Variants in DIP2C observed in about 807,000 individuals in gnomAD.
The protein encoded by DIP2C is DIP2 acetate--CoA ligase C (putative), also known as disco-interacting protein 2 homolog C.
Under a neutral mutation model 192.4 loss-of-function variants are expected in DIP2C, and 33 were observed. That is an observed-to-expected ratio of 0.17 (90% CI 0.13 to 0.23). DIP2C has a LOEUF of 0.23. Among genes scored for constraint, DIP2C ranks in the 10% least tolerant of loss-of-function variants. The probability of loss-of-function intolerance (pLI) is 1.00; values close to 1 mark genes in which losing one functional copy is unlikely to be tolerated. For synonymous variants in DIP2C, 979 were observed against 864.1 expected, an observed-to-expected ratio of 1.13 and a Z score of -2.33; for missense variants, 1,537 against 2,110.1, an observed-to-expected ratio of 0.73 and a Z score of 5.32.
intron 3 of DIP2C, among the ~76,000 whole-genome samples, chr10:465,255 T>C (rs960894951): frequency 6.5e-4 from 95 of 146,052 alleles, no homozygotes; most frequent in African/African-American, 2.4e-3. Context: ...ATAAATGTAA[T>C]CCAGCATATA....
At position 341,593 on chromosome 10, in the gene DIP2C, C is replaced by T. The variant is rs142823964; in HGVS notation, c.3454-264G>A. ...ATCGGGCCTGACACCCTCAGACACC[C>T]GGGACAATACGGGGCTGCACTGAAT... On this transcript the variant is annotated intron_variant, in intron 28 of 36. Transcript: ENST00000280886. Among the ~76,000 whole-genome samples the T allele has an allele frequency of 4.5e-3, 678 of 152,146 alleles. 2 individuals are homozygous for T. Among genetic ancestry groups the T allele is most frequent in the Non-Finnish European group, 7.1e-3 (481 of 68,000 alleles).
intron 30 of DIP2C, 85 bp from the exon 31 acceptor site, chr10:327,261 G>C: frequency 1.4e-6 from 2 of 1,462,486 alleles, no homozygotes; most frequent in Non-Finnish European, 1.8e-6. Flanking sequence ...AGATCCCCAC[G>C]TAAACATTGG....
intron 1 of DIP2C, among the ~76,000 whole-genome samples, chr10:534,434 T>A (rs1847582144): frequency 6.6e-6 from 1 of 152,222 alleles, no homozygotes; most frequent in Non-Finnish European, 1.5e-5. Context: ...CATCTTATAG[T>A]GAAGAAATCC....
At chr10:461,391 C>T (rs950929077) in intron 3 of DIP2C, among the ~76,000 whole-genome samples, 4 of 152,100 alleles carry the variant, frequency 2.6e-5, no homozygotes. Flanking sequence ...CAATCCTGGT[C>T]TCTGATAAAA....
At chr10:449,261 T>G (rs1049336468) in intron 3 of DIP2C, among the ~76,000 whole-genome samples, 7 of 152,212 alleles carry the variant, frequency 4.6e-5, no homozygotes, top group Non-Finnish European at 8.8e-5. Flanking sequence ...TAAGGGACTT[T>G]CAAGCTCATC....
chr10:434,435 C>A (rs1195816246), intron 4 of DIP2C, among the ~76,000 whole-genome samples: 1 of 152,072 alleles, frequency 6.6e-6, no homozygotes, highest in Non-Finnish European at 1.5e-5. Context: ...AGGTGTCAGC[C>A]ACCATGTTTG....
chr10:653,485 T>C (rs940395856), intron 1 of DIP2C, among the ~76,000 whole-genome samples: 3 of 152,098 alleles, frequency 2.0e-5, no homozygotes, highest in African/African-American at 7.2e-5. Context: ...AAAAACAACA[T>C]ATGCATTCCT....
chr10:331,709 C>A (rs1452708985), intron 29 of DIP2C, among the ~76,000 whole-genome samples: 2 of 152,130 alleles, frequency 1.3e-5, no homozygotes, highest in East Asian at 3.9e-4. Context: ...GCAGTGGTCC[C>A]GGAACCTATC....
chr10:327,194 G>C lies in DIP2C; in HGVS notation c.3754-18C>G. On this transcript the variant is annotated intron_variant, in intron 30 of 36. Transcript: ENST00000280886. ...CCTCGCGCCTGGAGATGATGACAGA[G>C]AAACCGAGTCAGCCCCCACGTGTCG... 1 of 1,609,900 alleles carries C rather than the reference G, an allele frequency of 6.2e-7. No homozygotes were observed. Among genetic ancestry groups the C allele is most frequent in the Non-Finnish European group, 8.5e-7 (1 of 1,178,444 alleles).
intron 3 of DIP2C, among the ~76,000 whole-genome samples, chr10:445,851 G>A (rs1190597939): frequency 6.7e-6 from 1 of 149,358 alleles, no homozygotes; most frequent in Admixed American, 6.7e-5. Context: ...AGTCTATCTT[G>A]CACTGGCCAT....
chr10:395,663 G>A (rs1197366327), intron 10 of DIP2C, among the ~76,000 whole-genome samples: 9 of 110,892 alleles, frequency 8.1e-5, no homozygotes, highest in African/African-American at 2.4e-4. Context: ...AGTCACCTCA[G>A]GGTTATATTG....
At chr10:314,628 G>A (rs1013148654) in intron 31 of DIP2C, among the ~76,000 whole-genome samples, 1 of 152,188 alleles carries the variant, frequency 6.6e-6, no homozygotes, top group Non-Finnish European at 1.5e-5. Context: ...GACGAGGCTG[G>A]GTCTGGCGAT....
chr10:385,390 T>G (rs1962807413), intron 14 of DIP2C, among the ~76,000 whole-genome samples: 1 of 152,224 alleles, frequency 6.6e-6, no homozygotes, highest in South Asian at 2.1e-4. Context: ...CCTGACAGAA[T>G]TAAGTAATTT....
At chr10:516,179 C>T (rs898672890) in intron 1 of DIP2C, among the ~76,000 whole-genome samples, 101 of 146,552 alleles carry the variant, frequency 6.9e-4, no homozygotes, top group African/African-American at 2.3e-3. Context: ...CAGGTTCTCC[C>T]TACATCTTCC....
chr10:341,067 G>A (rs765959424), intron 29 of DIP2C, 132 bp downstream of exon 29: 53 of 1,287,466 alleles, frequency 4.1e-5, no homozygotes, highest in Non-Finnish European at 5.7e-5. Context: ...AGAGGGACAC[G>A]GGTAAGCCCC....
chr10:291,669 A>G (rs1955503862), intron 32 of DIP2C, among the ~76,000 whole-genome samples: 1 of 152,244 alleles, frequency 6.6e-6, no homozygotes, highest in African/African-American at 2.4e-5. Flanking sequence ...GACCCGGGTC[A>G]AAGTGTGCTG....
intron 6 of DIP2C, among the ~76,000 whole-genome samples, chr10:417,754 G>GCCTCCCTGTT (rs1163474316): frequency 7.7e-6 from 1 of 129,358 alleles, no homozygotes; most frequent in Non-Finnish European, 1.6e-5. Flanking sequence ...GCTCGGATAG[G>GCCTCCCTGTT]CATCCCTGTC....
chr10:512,590 A>G (rs916523650), intron 1 of DIP2C, among the ~76,000 whole-genome samples: 3 of 152,000 alleles, frequency 2.0e-5, no homozygotes, highest in African/African-American at 7.3e-5. Flanking sequence ...ATCTCAAAAA[A>G]CAAAAAGCAA....
At chr10:385,332 C>T (rs376047655) in intron 14 of DIP2C, among the ~76,000 whole-genome samples, 4 of 152,308 alleles carry the variant, frequency 2.6e-5, no homozygotes, top group East Asian at 1.9e-4. Context: ...CCATGAAAAG[C>T]GACTTCCCAA....
Sources: gnomAD v4.1 joint callset for allele counts (sites outside exome capture counted in the v4.1 genomes callset) on GRCh38, gnomAD v4.1.1 for gene constraint, MANE v1.5 for transcripts, NCBI Gene and HGNC (gene_info 2026-07-23, HGNC 2026-07-21) for gene names.